The following ATP10A variants were observed in gnomAD, a reference collection of about 807,000 sequenced individuals.
The protein encoded by ATP10A is ATPase phospholipid transporting 10A (putative), also known as phospholipid-transporting ATPase VA.
ATP10A carries 111 observed loss-of-function variants against 147.8 expected under a neutral mutation model. That is an observed-to-expected ratio of 0.75 (90% confidence interval 0.64 to 0.88). The LOEUF (loss-of-function observed/expected upper bound fraction) is 0.88. ATP10A is among the 40% of genes least tolerant of loss of function. The pLI, the probability that ATP10A is intolerant of heterozygous loss-of-function variation, is 0.00. For synonymous variants in ATP10A, 875 were observed against 841.6 expected, an observed-to-expected ratio of 1.04 and a Z score of -0.69; for missense variants, 1,927 against 1,959.0, an observed-to-expected ratio of 0.98 and a Z score of 0.31.
rs956985280 is a variant in ATP10A at position 25,825,489 on chromosome 15, GA to G, written c.449+37158del. ...CATGAGGTTCTGCACAAGCAGGAATGAAGGCTAAGACAGAGAGGTAACCACC... is the reference window on the plus strand; with the variant it reads ...CATGAGGTTCTGCACAAGCAGGAATGAGGCTAAGACAGAGAGGTAACCACC... On this transcript the variant is annotated intron_variant, in intron 1 of 20. Coordinates refer to ENST00000555815, the MANE Select transcript of ATP10A (RefSeq NM_024490.4). Among the ~76,000 whole-genome samples the G allele has an allele frequency of 1.1e-4, 16 of 152,124 alleles. No homozygotes were observed. The East Asian group carries it at 1.4e-3, about 13-fold the overall frequency.
chr15:25,761,379 G>A (rs1379914353), intron 2 of ATP10A, among the ~76,000 whole-genome samples: 1 of 152,232 alleles, frequency 6.6e-6, no homozygotes, highest in East Asian at 1.9e-4. Flanking sequence ...ACTTACCACA[G>A]AGTCCCCACA....
rs766688802 is a variant in ATP10A at position 25,718,182 on chromosome 15, C to T, written c.1581G>A (p.Met527Ile). ...LSKHTAFSSP[M>I]EKDITPDPKL... ...CTAGCAGGAGGCCCTGTACACTCAC[C>T]ATGGGGCTGCTGAAGGCCGTGTGCT... Residue 527 changes from methionine (M) to isoleucine (I), a missense_variant and splice_region_variant, in exon 8 of 21, where the codon ATG becomes ATA. Physicochemically the swap from Met to Ile is conservative, Grantham distance 10 (BLOSUM62 1). Coordinates refer to ENST00000555815, the MANE Select transcript of ATP10A (RefSeq NM_024490.4). 1.2e-6 allele frequency: 2 copies of T among 1,612,792 alleles called. No individual in the cohort carries two copies. The highest frequency in any genetic ancestry group is 1.1e-5 in the South Asian group (1 of 91,010).
At chr15:25,732,318 C>A (rs1886982244) in intron 3 of ATP10A, among the ~76,000 whole-genome samples, 1 of 152,090 alleles carries the variant, frequency 6.6e-6, no homozygotes, top group African/African-American at 2.4e-5. Flanking sequence ...TCACTGCAAT[C>A]TCTGCCTCCC....
chr15:25,685,296 G>A (rs1182800698), intron 16 of ATP10A, among the ~76,000 whole-genome samples: 1 of 152,086 alleles, frequency 6.6e-6, no homozygotes, highest in Non-Finnish European at 1.5e-5. Context: ...CAAAGGCCTG[G>A]CATTTTTATG....
At chr15:25,681,956 A>G (rs1042570861) in intron 17 of ATP10A, among the ~76,000 whole-genome samples, 1 of 150,132 alleles carries the variant, frequency 6.7e-6, no homozygotes, top group African/African-American at 2.4e-5. Context: ...CAGGAGGCTG[A>G]GGCAGGAGAA....
Position 25,784,921 on chromosome 15 carries a change from C to CAA in ATP10A, c.450-3700_450-3699dup, listed in dbSNP as rs397972229. Among the ~76,000 whole-genome samples, 150 of 106,674 alleles carry CAA rather than the reference C, an allele frequency of 1.4e-3. 1 individual carries two copies. The East Asian group carries it at 0.024, about 17-fold the overall frequency. 70.0% of individuals were successfully genotyped at this position (106,674 alleles called of 152,430 possible). ...TGGGTGACGGAGCGAGACCCCGTGT[C>CAA]AAAAAAAAAAAAAAGAAAAAGAAAA... On this transcript the variant is annotated intron_variant, in intron 1 of 20. Transcript: ENST00000555815.
rs186920359 is a variant in ATP10A, at chr15:25,727,827, C to T, written c.741-561G>A. On this transcript the variant is annotated intron_variant, in intron 3 of 20. Coordinates refer to ENST00000555815, the MANE Select transcript of ATP10A (RefSeq NM_024490.4). ...CAATTCTATAAATTCTGTTTTACTG[C>T]TATTTAGATCCAGAGGGATAGTCTA... Among the ~76,000 whole-genome samples, 819 of 152,308 alleles carry T rather than the reference C, an allele frequency of 5.4e-3. 2 individuals are homozygous for T. The highest frequency in any genetic ancestry group is 9.2e-3 in the Non-Finnish European group (629 of 68,030).
intron 15 of ATP10A, among the ~76,000 whole-genome samples, chr15:25,691,022 G>A (rs543812923): frequency 5.4e-4 from 82 of 152,236 alleles, no homozygotes; most frequent in African/African-American, 1.9e-3. Flanking sequence ...GATCATTACT[G>A]ATCGAACCAC....
chr15:25,725,904 C>A (rs373196200), intron 5 of ATP10A, 47 bp downstream of exon 5: 1 of 1,567,210 alleles, frequency 6.4e-7, no homozygotes, highest in Admixed American at 1.7e-5. Context: ...GGGCACGAGC[C>A]ACTGCGCCTG....
chr15:25,804,539 G>T (rs1406029094), intron 1 of ATP10A, among the ~76,000 whole-genome samples: 1 of 151,968 alleles, frequency 6.6e-6, no homozygotes, highest in African/African-American at 2.4e-5. Flanking sequence ...AGCACATATG[G>T]CTAAACACGG....
chr15:25,808,664 G>A (rs1428551192), intron 1 of ATP10A, among the ~76,000 whole-genome samples: 16 of 152,194 alleles, frequency 1.1e-4, no homozygotes, highest in African/African-American at 3.1e-4. Context: ...GATTACAAGC[G>A]TGAGCCACAG....
chr15:25,703,843 G>C (rs1900814440), intron 12 of ATP10A, among the ~76,000 whole-genome samples: 1 of 152,206 alleles, frequency 6.6e-6, no homozygotes, highest in African/African-American at 2.4e-5. Context: ...TCCCATGTCG[G>C]GGATGTACTG....
intron 5 of ATP10A, among the ~76,000 whole-genome samples, 192 bp downstream of exon 5, chr15:25,725,759 C>T (rs1300630517): frequency 1.3e-5 from 2 of 151,996 alleles, no homozygotes; most frequent in African/African-American, 2.4e-5. Context: ...CTCAGTCTCC[C>T]GAGTAGCTGG....
intron 9 of ATP10A, 71 bp downstream of exon 9, chr15:25,716,659 C>G: frequency 7.1e-7 from 1 of 1,413,848 alleles, no homozygotes; most frequent in Non-Finnish European, 9.5e-7. Context: ...CGCCTGCCCT[C>G]AGGAGGACTG....
chr15:25,756,739 C>A (rs1888436668), intron 2 of ATP10A, among the ~76,000 whole-genome samples: 1 of 152,288 alleles, frequency 6.6e-6, no homozygotes, highest in Middle Eastern at 3.4e-3. Context: ...ACTTTTGATC[C>A]ACATTACCTG....
At chr15:25,795,775 C>T (rs570860036) in intron 1 of ATP10A, among the ~76,000 whole-genome samples, 1 of 152,200 alleles carries the variant, frequency 6.6e-6, no homozygotes, top group Admixed American at 6.5e-5. Context: ...TGCTGAAGAC[C>T]GATCCCCAGC....
chr15:25,728,654 C>T (rs11639416), intron 3 of ATP10A, among the ~76,000 whole-genome samples: 1 of 152,106 alleles, frequency 6.6e-6, no homozygotes, highest in Non-Finnish European at 1.5e-5. Flanking sequence ...AATAACAAAT[C>T]GTCTCCGAGT....
At chr15:25,709,784 C>G (rs2140374690) in intron 10 of ATP10A, 1 of 152,552 alleles carries the variant, frequency 6.6e-6, no homozygotes, top group South Asian at 2.1e-4. Context: ...AGATCTGCCC[C>G]TCGTTCTTGG....
intron 4 of ATP10A, among the ~76,000 whole-genome samples, chr15:25,726,920 C>CGTG (rs1902601320): frequency 6.7e-6 from 1 of 148,212 alleles, no homozygotes; most frequent in South Asian, 2.1e-4. Flanking sequence ...AGGAGCCGGG[C>CGTG]GTGGCGGGCG....
Sources: allele counts gnomAD v4.1 joint callset (sites outside exome capture counted in the v4.1 genomes callset), GRCh38; gene constraint gnomAD v4.1.1; transcripts MANE v1.5; gene names NCBI Gene and HGNC (gene_info 2026-07-23, HGNC 2026-07-21).